NFXL1: variants seen among roughly 807,000 people sequenced by gnomAD.
NFXL1 encodes the protein NF-X1-type zinc finger protein NFXL1.
A neutral mutation model predicts 123.3 loss-of-function variants in NFXL1; 66 were observed. The ratio of observed to expected loss-of-function variants is 0.54; its 90% CI spans 0.44 to 0.66. The LOEUF (loss-of-function observed/expected upper bound fraction) is 0.66, where lower values mean the gene tolerates loss of function less well. NFXL1 is among the 30% of genes least tolerant of loss of function. The pLI, the probability that NFXL1 is intolerant of heterozygous loss-of-function variation, is 0.00. For synonymous variants in NFXL1, 346 were observed against 360.8 expected, an observed-to-expected ratio of 0.96 and a Z score of 0.46; for missense variants, 944 against 1,125.6, an observed-to-expected ratio of 0.84 and a Z score of 2.31.
At chr4:47,851,760 A>G in intron 21 of NFXL1, 96 bp downstream of exon 21, 1 of 781,446 alleles carries the variant, frequency 1.3e-6, no homozygotes, top group Non-Finnish European at 2.1e-6. Flanking sequence ...AAAGCAAAAA[A>G]ATGAGATTTC....
At chr4:47,912,509 G>A (rs1282086036) in intron 2 of NFXL1, among the ~76,000 whole-genome samples, 2 of 147,152 alleles carry the variant, frequency 1.4e-5, no homozygotes, top group Non-Finnish European at 3.0e-5. Context: ...GCCCAGGCTG[G>A]AGTGCAGTGG....
chr4:47,896,395 C>T, intron 10 of NFXL1, 128 bp downstream of exon 10: 1 of 638,974 alleles, frequency 1.6e-6, no homozygotes, highest in Non-Finnish European at 2.6e-6. Context: ...TATTAGGTCA[C>T]TAAATTCATA....
Position 47,914,224 on chromosome 4 carries a change from A to AG in NFXL1, c.-2-20_-2-19insC. On this transcript the variant is annotated intron_variant, in intron 1 of 22. Coordinates refer to ENST00000507489, the MANE Select transcript of NFXL1 (RefSeq NM_001278624.2). Reference sequence around the variant, plus strand: ...TCCATCCCTGCAAAGGAGAAAAAAAAAAAAAAGAGTGGAAGGAGGTGAGCG... The same window carrying AG: ...TCCATCCCTGCAAAGGAGAAAAAAAAGAAAAAAGAGTGGAAGGAGGTGAGCG... The AG allele has an allele frequency of 6.9e-7, 1 of 1,454,590 alleles. No homozygotes were observed. The highest frequency in any genetic ancestry group is 2.5e-5 in the East Asian group (1 of 39,922). The allele number at this position is 1,454,590 out of a possible 1,614,324, so 90.1% of individuals were successfully genotyped here. A position where few individuals can be genotyped will look rare whatever the true frequency, so the allele number is the denominator to read the frequency against.
intron 15 of NFXL1, among the ~76,000 whole-genome samples, chr4:47,880,619 T>C (rs973928855): frequency 6.6e-6 from 1 of 151,846 alleles, no homozygotes; most frequent in African/African-American, 2.4e-5. Flanking sequence ...GTGCCATATT[T>C]CCTATAGCAT....
Position 47,861,033 on chromosome 4 carries a change from T to G in NFXL1, c.2316+1813A>C, listed in dbSNP as rs1734735762. 2.1e-5 allele frequency among the ~76,000 whole-genome samples: 3 copies of G among 142,876 alleles called. No individual in the cohort carries two copies. In the Admixed American group the frequency reaches 2.1e-4, roughly 10 times the overall value. The allele number at this position is 142,876 out of a possible 152,430, so 93.7% of individuals were successfully genotyped here. The stretch of plus-strand genomic sequence containing the variant: ...ACGTCAGGCTATTTTTTTTTTTTTG[T>G]ATTTTTTAGTAGAAACGGGGTTTCA... On this transcript the variant is annotated intron_variant, in intron 19 of 22. Coordinates refer to ENST00000507489, the MANE Select transcript of NFXL1 (RefSeq NM_001278624.2).
At chr4:47,913,011 CAAAA>C (rs574444228) in intron 2 of NFXL1, among the ~76,000 whole-genome samples, 39 of 74,498 alleles carry the variant, frequency 5.2e-4, no homozygotes, top group Admixed American at 9.3e-4. Flanking sequence ...GACTCTGTCT[CAAAA>C]AAAAAAAAAA....
chr4:47,883,063 T>C (rs551477354), intron 15 of NFXL1, among the ~76,000 whole-genome samples: 4 of 152,278 alleles, frequency 2.6e-5, no homozygotes, highest in Admixed American at 6.5e-5. Flanking sequence ...TTTTCACAGA[T>C]GCCCTTTATC....
chr4:47,899,204 TA>T, intron 6 of NFXL1, 84 bp from the exon 7 acceptor site: 1 of 1,356,042 alleles, frequency 7.4e-7, no homozygotes, highest in Non-Finnish European at 9.9e-7. Context: ...CACCTATCAA[TA>T]ATTTCTAGAA....
chr4:47,880,807 TAAA>T (rs57880960), intron 15 of NFXL1, among the ~76,000 whole-genome samples: 3,462 of 78,888 alleles, frequency 0.044, 146 homozygotes, highest in African/African-American at 0.15. Context: ...AATTAATGAG[TAAA>T]AAAAAAAAAA....
chr4:47,877,742 AT>A (rs979991504), intron 17 of NFXL1, among the ~76,000 whole-genome samples: 2 of 152,240 alleles, frequency 1.3e-5, no homozygotes, highest in East Asian at 3.9e-4. Context: ...GACCAAAAAA[AT>A]AACCTAACGA....
chr4:47,873,006 T>G (rs898813385), intron 18 of NFXL1, among the ~76,000 whole-genome samples: 3 of 152,214 alleles, frequency 2.0e-5, no homozygotes, highest in African/African-American at 7.2e-5. Flanking sequence ...TTGGGTAATA[T>G]TCTAAATCCT....
intron 3 of NFXL1, among the ~76,000 whole-genome samples, chr4:47,908,310 G>A (rs4695304): frequency 0.03 from 4,532 of 152,110 alleles, 248 homozygotes; most frequent in African/African-American, 0.1. Flanking sequence ...TGCAGTACCA[G>A]CTACTTGGGA....
At position 47,855,565 on chromosome 4, in the gene NFXL1, C is replaced by T. The variant is rs79644237; in HGVS notation, c.2317-402G>A. ...GTCCTGGATATGATGAAAGCTGGAG[C>T]GGTAATGGAAACCATATGCCAAAGA... On this transcript the variant is annotated intron_variant, in intron 19 of 22. Transcript: ENST00000507489. Among the ~76,000 whole-genome samples the T allele has an allele frequency of 3.4e-3, 521 of 151,826 alleles. 1 individual carries two copies. Among genetic ancestry groups the T allele is most frequent in the African/African-American group, 0.012 (501 of 41,404 alleles).
At position 47,894,084 on chromosome 4, in the gene NFXL1, T is replaced by C. The variant is rs1736934658; in HGVS notation, c.1452+96A>G. ...TTAAAGGAAAGCATATGCCTGAACA[T>C]TTGAGAAACAATTCAAGACAGCACT... is the stretch of plus-strand genomic sequence containing the variant. On this transcript the variant is annotated intron_variant, in intron 11 of 22. Transcript: ENST00000507489. 3 of 823,008 alleles carry C rather than the reference T, an allele frequency of 3.6e-6. No individual in the cohort carries two copies. In the South Asian group the frequency reaches 8.3e-5, roughly 23 times the overall value. 51.0% of individuals were successfully genotyped at this position (823,008 alleles called of 1,614,324 possible).
chr4:47,913,947 C>G, intron 2 of NFXL1, 22 bp downstream of exon 2: 1 of 1,519,824 alleles, frequency 6.6e-7, no homozygotes, highest in Non-Finnish European at 8.9e-7. Flanking sequence ...CAGGTGAGCA[C>G]GCGGGCGGGA....
At chr4:47,900,103 A>T (rs1489844931) in intron 5 of NFXL1, among the ~76,000 whole-genome samples, 1 of 152,252 alleles carries the variant, frequency 6.6e-6, no homozygotes, top group African/African-American at 2.4e-5. Context: ...GGGTATAGAC[A>T]TGCAATACCG....
At chr4:47,852,602 T>C (rs4695287) in intron 20 of NFXL1, among the ~76,000 whole-genome samples, 125,533 of 151,896 alleles carry the variant, frequency 0.83, 52,096 homozygotes, top group East Asian at 0.98. Flanking sequence ...ATGTTGGCAC[T>C]TCACTACCTC....
chr4:47,912,908 G>A (rs867649203), intron 2 of NFXL1, among the ~76,000 whole-genome samples: 9 of 149,216 alleles, frequency 6.0e-5, no homozygotes, highest in African/African-American at 2.0e-4. Context: ...AGCTACTCGG[G>A]AGGCTGAGGC....
intron 22 of NFXL1, among the ~76,000 whole-genome samples, chr4:47,850,285 A>G (rs1734051408): frequency 6.6e-6 from 1 of 152,124 alleles, no homozygotes; most frequent in South Asian, 2.1e-4. Context: ...TTGGCCAACC[A>G]TTATTTACTA....
Sources: allele counts gnomAD v4.1 joint callset (sites outside exome capture counted in the v4.1 genomes callset), GRCh38; gene constraint gnomAD v4.1.1; transcripts MANE v1.5; gene names NCBI Gene and HGNC (gene_info 2026-07-23, HGNC 2026-07-21).